The following CPA6 variants were observed in gnomAD, a reference collection of about 807,000 sequenced individuals.
CPA6 encodes the protein carboxypeptidase B.
Under a neutral mutation model 63.3 loss-of-function variants are expected in CPA6, and 58 were observed. The ratio of observed to expected loss-of-function variants is 0.92; its 90% CI spans 0.74 to 1.14. The LOEUF (loss-of-function observed/expected upper bound fraction) is 1.14. Ranked by LOEUF, CPA6 falls within the 50% of genes most tolerant of loss-of-function variation. The pLI is 0.00. For synonymous variants in CPA6, 185 were observed against 179.0 expected, an observed-to-expected ratio of 1.03 and a Z score of -0.27; for missense variants, 565 against 526.6, an observed-to-expected ratio of 1.07 and a Z score of -0.71.
intron 6 of CPA6, among the ~76,000 whole-genome samples, chr8:67,501,856 G>C (rs1587497989): frequency 6.6e-6 from 1 of 152,138 alleles, no homozygotes; most frequent in Admixed American, 6.5e-5. Context: ...TCCAGTGAAA[G>C]CTTCTGGGCC....
intron 2 of CPA6, among the ~76,000 whole-genome samples, chr8:67,581,074 C>T (rs55883952): frequency 0.067 from 10,224 of 151,970 alleles, 618 homozygotes; most frequent in African/African-American, 0.16. Flanking sequence ...TCCATGTTGA[C>T]GAGGGATGTC....
intron 2 of CPA6, among the ~76,000 whole-genome samples, chr8:67,553,469 C>T (rs925259998): frequency 6.6e-6 from 1 of 152,124 alleles, no homozygotes; most frequent in African/African-American, 2.4e-5. Context: ...CACAGAGAAA[C>T]CTACTGGTAA....
At chr8:67,736,157 C>T (rs1817808573) in intron 1 of CPA6, among the ~76,000 whole-genome samples, 1 of 152,210 alleles carries the variant, frequency 6.6e-6, no homozygotes, top group Non-Finnish European at 1.5e-5. Context: ...CTGACTCCAT[C>T]TCACTTTCCT....
intron 8 of CPA6, among the ~76,000 whole-genome samples, chr8:67,454,797 T>C (rs749949709): frequency 9.2e-5 from 14 of 152,334 alleles, no homozygotes; most frequent in Middle Eastern, 3.4e-3. Flanking sequence ...ATACCATACA[T>C]CACCTTTTTA....
At chr8:67,695,130 C>G (rs1816888337) in intron 1 of CPA6, among the ~76,000 whole-genome samples, 1 of 152,082 alleles carries the variant, frequency 6.6e-6, no homozygotes, top group African/African-American at 2.4e-5. Flanking sequence ...CTTGATTATT[C>G]ATTAGATGCC....
intron 1 of CPA6, among the ~76,000 whole-genome samples, chr8:67,712,045 G>T (rs1257247215): frequency 1.3e-5 from 2 of 152,078 alleles, no homozygotes; most frequent in African/African-American, 4.8e-5. Flanking sequence ...GAGTCCATTT[G>T]GCCTAAGTCT....
intron 5 of CPA6, among the ~76,000 whole-genome samples, chr8:67,508,550 G>A (rs1307257004): frequency 6.6e-6 from 1 of 152,088 alleles, no homozygotes; most frequent in Non-Finnish European, 1.5e-5. Context: ...AGATTCTCAG[G>A]GATTACCTGA....
In CPA6 at chr8:67,723,506, C is replaced by T. The variant is rs144955589; in HGVS notation, c.116+22508G>A. 7.0e-3 allele frequency among the ~76,000 whole-genome samples: 1,072 copies of T among 152,150 alleles called. 11 individuals carry two copies. The highest frequency in any genetic ancestry group is 0.023 in the African/African-American group (964 of 41,492). On this transcript the variant is annotated intron_variant, in intron 1 of 10. Transcript: ENST00000297770. ...TTATTAGATTCAGCTGATTACTTTCCGAAGAGGTTATAACAATTTGACCTT... is the reference window on the plus strand; with the variant it reads ...TTATTAGATTCAGCTGATTACTTTCTGAAGAGGTTATAACAATTTGACCTT...
In CPA6 at chr8:67,607,639, A is replaced by G. The variant is rs200159287; in HGVS notation, c.192+16537T>C. Among the ~76,000 whole-genome samples the G allele has an allele frequency of 2.0e-5, 3 of 152,162 alleles. No individual in the cohort carries two copies. In the East Asian group the frequency reaches 5.8e-4, roughly 29 times the overall value. On this transcript the variant is annotated intron_variant, in intron 2 of 10. Coordinates refer to ENST00000297770, the MANE Select transcript of CPA6 (RefSeq NM_020361.5). Reference sequence around the variant, plus strand: ...ACCAAGATACACTAACATCCCAGGTATTTCCAACTACTTTCCTTAGAGCTA... The same window carrying G: ...ACCAAGATACACTAACATCCCAGGTGTTTCCAACTACTTTCCTTAGAGCTA...
intron 8 of CPA6, among the ~76,000 whole-genome samples, chr8:67,436,861 C>T (rs186905451): frequency 1.3e-5 from 2 of 152,124 alleles, no homozygotes; most frequent in African/African-American, 4.8e-5. Flanking sequence ...TGATAATTCT[C>T]TCCATAAACT....
chr8:67,515,135 C>T (rs1451734952), intron 3 of CPA6, among the ~76,000 whole-genome samples: 1 of 152,158 alleles, frequency 6.6e-6, no homozygotes, highest in Non-Finnish European at 1.5e-5. Flanking sequence ...AACTCTGTGC[C>T]AGTTTTGACA....
intron 2 of CPA6, among the ~76,000 whole-genome samples, chr8:67,549,687 G>A (rs573975565): frequency 1.1e-4 from 16 of 152,100 alleles, no homozygotes; most frequent in African/African-American, 2.4e-4. Flanking sequence ...TCTCTGCTTC[G>A]GTAAATTTGA....
At chr8:67,683,625 A>T (rs1370776149) in intron 1 of CPA6, among the ~76,000 whole-genome samples, 2 of 152,080 alleles carry the variant, frequency 1.3e-5, no homozygotes, top group Non-Finnish European at 2.9e-5. Flanking sequence ...TTATTTGTCT[A>T]TTGCAGTCTC....
At chr8:67,512,062 G>T (rs1057151423) in intron 3 of CPA6, among the ~76,000 whole-genome samples, 9 of 152,052 alleles carry the variant, frequency 5.9e-5, no homozygotes, top group Non-Finnish European at 1.2e-4. Context: ...CTTGTTATTG[G>T]TATTTATAAA....
intron 8 of CPA6, among the ~76,000 whole-genome samples, chr8:67,466,606 C>T (rs1398344184): frequency 6.6e-6 from 1 of 152,146 alleles, no homozygotes; most frequent in Non-Finnish European, 1.5e-5. Flanking sequence ...GCACTATAAA[C>T]TTTCCTCTTA....
At chr8:67,498,373 T>C (rs1811764411) in intron 6 of CPA6, among the ~76,000 whole-genome samples, 1 of 151,314 alleles carries the variant, frequency 6.6e-6, no homozygotes, top group Admixed American at 6.6e-5. Flanking sequence ...CTATCTCTAC[T>C]GAAAATAGAA....
intron 2 of CPA6, among the ~76,000 whole-genome samples, chr8:67,583,076 G>A (rs1186665865): frequency 6.6e-6 from 1 of 151,418 alleles, no homozygotes; most frequent in Non-Finnish European, 1.5e-5. Context: ...AGTTGATGCT[G>A]GTTTGGTGAA....
intron 2 of CPA6, among the ~76,000 whole-genome samples, chr8:67,568,821 G>C (rs953808848): frequency 6.6e-6 from 1 of 152,168 alleles, no homozygotes; most frequent in African/African-American, 2.4e-5. Flanking sequence ...CACGATCTCG[G>C]CTCACTGCAA....
intron 2 of CPA6, among the ~76,000 whole-genome samples, chr8:67,545,580 T>TTTTTTTTTTTTAG (rs750417027): frequency 8.0e-6 from 1 of 125,632 alleles, no homozygotes; most frequent in Non-Finnish European, 1.7e-5. Flanking sequence ...TTTTTTTTTT[T>TTTTTTTTTTTTAG]TTTTGAGATG....
Sources: allele counts gnomAD v4.1 joint callset (sites outside exome capture counted in the v4.1 genomes callset), GRCh38; gene constraint gnomAD v4.1.1; transcripts MANE v1.5; gene names NCBI Gene and HGNC (gene_info 2026-07-23, HGNC 2026-07-21).